PELI2: variants seen among roughly 807,000 people sequenced by gnomAD.
PELI2 encodes E3 ubiquitin-protein ligase pellino homolog 2.
In PELI2, 23 loss-of-function variants were observed where a neutral mutation model predicts 42.3. The ratio of observed to expected loss-of-function variants is 0.54; its 90% CI spans 0.39 to 0.77. The LOEUF (loss-of-function observed/expected upper bound fraction) is 0.77, where lower values mean the gene tolerates loss of function less well. PELI2 is among the 30% of genes least tolerant of loss of function. The probability of loss-of-function intolerance (pLI) is 0.00; values close to 1 mark genes in which losing one functional copy is unlikely to be tolerated. For missense variants in PELI2, 463 were observed against 553.2 expected (o/e 0.84, Z 1.64); for synonymous variants, 245 against 212.2 (o/e 1.15, Z -1.34).
intron 3 of PELI2, among the ~76,000 whole-genome samples, chr14:56,283,860 A>G (rs573042532): frequency 6.0e-4 from 91 of 152,332 alleles, no homozygotes; most frequent in South Asian, 2.1e-4. Context: ...AGATCATTTT[A>G]AGCAGAGAAC....
Position 56,153,936 on chromosome 14 carries a change from A to G in PELI2, c.78-24399A>G, listed in dbSNP as rs373652861. ...GTAAGGGTTGATTTTGTTTCTGGCT[A>G]TTGTTTCAAATCTAAATTGAGTAAT... On this transcript the variant is annotated intron_variant, in intron 1 of 5. Transcript: ENST00000267460. 3.9e-5 allele frequency among the ~76,000 whole-genome samples: 6 copies of G among 152,326 alleles called. No homozygotes were observed. In the South Asian group the frequency reaches 8.3e-4, roughly 21 times the overall value.
chr14:56,276,687 T>TCATA (rs1889302546), intron 2 of PELI2, among the ~76,000 whole-genome samples: 1 of 152,200 alleles, frequency 6.6e-6, no homozygotes, highest in South Asian at 2.1e-4. Flanking sequence ...TTTCCCACTT[T>TCATA]CATACCTTCC....
intron 2 of PELI2, among the ~76,000 whole-genome samples, chr14:56,254,967 A>C (rs193041040): frequency 1.3e-5 from 2 of 152,354 alleles, no homozygotes; most frequent in Non-Finnish European, 2.9e-5. Flanking sequence ...AGTGGCGACC[A>C]TTACAAAGTC....
At chr14:56,126,624 G>C (rs1403337217) in intron 1 of PELI2, among the ~76,000 whole-genome samples, 1 of 152,048 alleles carries the variant, frequency 6.6e-6, no homozygotes, top group East Asian at 1.9e-4. Flanking sequence ...GACCTCGGTG[G>C]CCCCCCTCCT....
chr14:56,143,848 C>T (rs765445128), intron 1 of PELI2, among the ~76,000 whole-genome samples: 4 of 152,182 alleles, frequency 2.6e-5, no homozygotes, highest in Non-Finnish European at 5.9e-5. Flanking sequence ...CTGTCTCAGC[C>T]TGCAATCAAC....
intron 1 of PELI2, among the ~76,000 whole-genome samples, chr14:56,161,667 C>G (rs1020502903): frequency 1.3e-5 from 2 of 152,174 alleles, no homozygotes; most frequent in African/African-American, 4.8e-5. Context: ...CCCTTAACAT[C>G]CAGCCCTGGG....
At chr14:56,267,337 C>A (rs1888944036) in intron 2 of PELI2, among the ~76,000 whole-genome samples, 1 of 152,072 alleles carries the variant, frequency 6.6e-6, no homozygotes, top group Non-Finnish European at 1.5e-5. Flanking sequence ...GGTAGTTGTA[C>A]TTTTCAGATT....
intron 2 of PELI2, among the ~76,000 whole-genome samples, chr14:56,187,189 G>T (rs1164098673): frequency 6.6e-6 from 1 of 152,166 alleles, no homozygotes; most frequent in African/African-American, 2.4e-5. Context: ...TAAGACCAAA[G>T]CTGGGTTCTG....
intron 1 of PELI2, among the ~76,000 whole-genome samples, chr14:56,176,763 A>G (rs1311249422): frequency 6.6e-6 from 1 of 152,252 alleles, no homozygotes; most frequent in Non-Finnish European, 1.5e-5. Context: ...AGAGCTGGGT[A>G]GAAGTGAAGG....
intron 2 of PELI2, among the ~76,000 whole-genome samples, chr14:56,259,482 A>G (rs1028777630): frequency 3.3e-5 from 5 of 152,164 alleles, no homozygotes; most frequent in Non-Finnish European, 7.4e-5. Context: ...ACCCAGGAAT[A>G]CAAGGTTGGT....
rs1886191993 is a variant in PELI2, at chr14:56,197,976, A to ACC, written c.207+19513_207+19514insCC. 2.2e-5 allele frequency among the ~76,000 whole-genome samples: 1 copy of ACC among 46,080 alleles called. No individual in the cohort carries two copies. Among genetic ancestry groups the ACC allele is most frequent in the Admixed American group, 3.2e-4 (1 of 3,170 alleles). The allele number at this position is 46,080 out of a possible 152,430, so 30.2% of individuals were successfully genotyped here. The stretch of plus-strand genomic sequence containing the variant: ...GGGATCATGACTGGTGAAGACACAC[A>ACC]CACACACACACACACACACACACAC... On this transcript the variant is annotated intron_variant, in intron 2 of 5. Coordinates refer to ENST00000267460, the MANE Select transcript of PELI2 (RefSeq NM_021255.3). The surrounding 1 kb of genome is among the most constrained non-coding windows in gnomAD (Gnocchi z 4.9).
intron 2 of PELI2, among the ~76,000 whole-genome samples, chr14:56,209,139 A>G (rs1430450953): frequency 6.6e-6 from 1 of 152,232 alleles, no homozygotes; most frequent in African/African-American, 2.4e-5. Context: ...GCATGATGTT[A>G]CAGAGTAGTA....
At chr14:56,179,761 G>C (rs78450746) in intron 2 of PELI2, among the ~76,000 whole-genome samples, 1 of 152,126 alleles carries the variant, frequency 6.6e-6, no homozygotes, top group Non-Finnish European at 1.5e-5. Flanking sequence ...GGTGAAGAAC[G>C]ATACCAAAAC....
chr14:56,260,794 C>G (rs1212260768), intron 2 of PELI2, among the ~76,000 whole-genome samples: 1 of 152,196 alleles, frequency 6.6e-6, no homozygotes, highest in Non-Finnish European at 1.5e-5. Context: ...TGCCTGGGGT[C>G]AGCCCATGTG....
At position 56,288,495 on chromosome 14, in the gene PELI2, G is replaced by C; in HGVS notation, c.368G>C (p.Ser123Thr). The change falls in exon 4 of 6, where the codon AGC becomes ACC. Residue 123 changes from serine (S) to threonine (T), a missense_variant. Ser to Thr is a moderately conservative substitution (Grantham distance 58). This residue lies in a region of PELI2 where 343 missense variants were observed against 378.4 expected (regional missense o/e 0.91). Coordinates refer to ENST00000267460, the MANE Select transcript of PELI2 (RefSeq NM_021255.3). The surrounding 1 kb of genome is among the most constrained non-coding windows in gnomAD (Gnocchi z 4.6). Reference sequence around the variant, plus strand: ...GTTGTCACAGACACGATTTCTGGCAGCCAGAACACGGACGAAGCCCAGATC... The same window carrying C: ...GTTGTCACAGACACGATTTCTGGCACCCAGAACACGGACGAAGCCCAGATC... ...DFVVTDTISG[S>T]QNTDEAQITQ... is the part of the protein sequence containing the mutation. 2.5e-6 allele frequency: 4 copies of C among 1,614,096 alleles called. No homozygotes were observed. The highest frequency in any genetic ancestry group is 3.4e-6 in the Non-Finnish European group (4 of 1,180,002).
At chr14:56,186,458 A>T (rs1454710101) in intron 2 of PELI2, among the ~76,000 whole-genome samples, 1 of 152,214 alleles carries the variant, frequency 6.6e-6, no homozygotes, top group Admixed American at 6.5e-5. Context: ...GTGACATAAT[A>T]CATTAGTGTT....
Position 56,118,496 on chromosome 14 carries a change from G to T in PELI2, c.-165G>T. On this transcript the variant is annotated 5_prime_UTR_variant, in exon 1 of 6. Transcript: ENST00000267460. ...GCGGAGCAGCCGCGCAGCCACGACG[G>T]AGCAGCAGCGGGACTGGCCGCCCCG... 2 of 373,288 alleles carry T rather than the reference G, an allele frequency of 5.4e-6. No individual in the cohort carries two copies. The highest frequency in any genetic ancestry group is 9.7e-5 in the Admixed American group (2 of 20,562). The allele number at this position is 373,288 out of a possible 1,614,324, so 23.1% of individuals were successfully genotyped here.
chr14:56,262,031 T>A (rs564755681), intron 2 of PELI2, among the ~76,000 whole-genome samples: 1 of 152,364 alleles, frequency 6.6e-6, no homozygotes, highest in African/African-American at 2.4e-5. Context: ...GGGTTTACCA[T>A]TCAGCATAGG....
At chr14:56,270,100 T>G (rs1889047743) in intron 2 of PELI2, among the ~76,000 whole-genome samples, 1 of 152,182 alleles carries the variant, frequency 6.6e-6, no homozygotes, top group Non-Finnish European at 1.5e-5. Context: ...GTGCCATAGA[T>G]TCTGTACCAG....
Sources: allele counts gnomAD v4.1 joint callset (sites outside exome capture counted in the v4.1 genomes callset), GRCh38; gene constraint gnomAD v4.1.1; regional missense constraint gnomAD v4.1.1; non-coding constraint Gnocchi (gnomAD v3.1); transcripts MANE v1.5; gene names NCBI Gene and HGNC (gene_info 2026-07-23, HGNC 2026-07-21).